The following MAP4K5 variants were observed in gnomAD, a reference collection of about 807,000 sequenced individuals.
MAP4K5 encodes the protein mitogen-activated protein kinase kinase kinase kinase 5, also known as MAPK/ERK kinase kinase kinase 5.
MAP4K5 carries 82 observed loss-of-function variants against 135.6 expected under a neutral mutation model. That is an observed-to-expected ratio of 0.60 (90% CI 0.51 to 0.73). The LOEUF is 0.73. Among genes scored for constraint, MAP4K5 ranks in the 30% least tolerant of loss-of-function variants. The pLI is 0.00. For missense variants in MAP4K5, 907 were observed against 1,010.9 expected, an observed-to-expected ratio of 0.90 and a Z score of 1.39; for synonymous variants, 347 against 335.0, an observed-to-expected ratio of 1.04 and a Z score of -0.39.
chr14:50,431,354 A>C (rs2035964819), intron 28 of MAP4K5, among the ~76,000 whole-genome samples: 1 of 152,102 alleles, frequency 6.6e-6, no homozygotes. Context: ...TGCACCCACT[A>C]ACTCGTCATC....
chr14:50,552,929 A>C (rs1024358194), intron 1 of MAP4K5, among the ~76,000 whole-genome samples: 1 of 152,066 alleles, frequency 6.6e-6, no homozygotes, highest in East Asian at 1.9e-4. Context: ...CATCAGAAAA[A>C]CTCTTATAGA....
At position 50,446,134 on chromosome 14, in the gene MAP4K5, A is replaced by G; in HGVS notation, c.1143-13T>C. On this transcript the variant is annotated splice_polypyrimidine_tract_variant and intron_variant, in intron 16 of 32. Coordinates refer to ENST00000682126, the MANE Select transcript of MAP4K5 (RefSeq NM_006575.6). ...TTTTGAGGTTGATCTAATACAAAGA[A>G]GAAATGCAATTTAGATGATGATAAA... 5 of 1,550,030 alleles carry G rather than the reference A, an allele frequency of 3.2e-6. No homozygotes were observed. The highest frequency in any genetic ancestry group is 4.4e-6 in the Non-Finnish European group (5 of 1,144,586).
At chr14:50,501,882 C>T (rs980540757) in intron 3 of MAP4K5, among the ~76,000 whole-genome samples, 2 of 152,164 alleles carry the variant, frequency 1.3e-5, no homozygotes, top group South Asian at 4.1e-4. Flanking sequence ...TCCGTGAGAA[C>T]AAGGTCTTTG....
intron 1 of MAP4K5, among the ~76,000 whole-genome samples, chr14:50,548,105 G>A (rs535937313): frequency 2.0e-5 from 3 of 152,130 alleles, no homozygotes; most frequent in Admixed American, 2.0e-4. Flanking sequence ...ACAGGGGCCC[G>A]GGATAGGGGC....
At chr14:50,501,924 T>C (rs1358586498) in intron 3 of MAP4K5, among the ~76,000 whole-genome samples, 1 of 152,148 alleles carries the variant, frequency 6.6e-6, no homozygotes, top group Non-Finnish European at 1.5e-5. Context: ...TCCTATCCTC[T>C]AGAACAGAGC....
chr14:50,552,760 G>A (rs932226902), intron 1 of MAP4K5, among the ~76,000 whole-genome samples: 1 of 152,124 alleles, frequency 6.6e-6, no homozygotes, highest in East Asian at 1.9e-4. Flanking sequence ...ACATAAAGTG[G>A]GGAAAGGATA....
chr14:50,441,743 T>TACACACACAC (rs57651486), intron 21 of MAP4K5, among the ~76,000 whole-genome samples: 9 of 141,534 alleles, frequency 6.4e-5, no homozygotes, highest in Admixed American at 2.9e-4. Flanking sequence ...AATTATTTTA[T>TACACACACAC]ACACACACAC....
At chr14:50,549,142 C>T (rs529266441) in intron 1 of MAP4K5, among the ~76,000 whole-genome samples, 1 of 152,208 alleles carries the variant, frequency 6.6e-6, no homozygotes, top group East Asian at 1.9e-4. Flanking sequence ...ACGGAACCAC[C>T]TACCAGGCCA....
At chr14:50,451,566 C>T (rs1248915396) in intron 14 of MAP4K5, among the ~76,000 whole-genome samples, 1 of 151,990 alleles carries the variant, frequency 6.6e-6, no homozygotes, top group East Asian at 1.9e-4. Context: ...TGCAGTACCT[C>T]ATATCTTTTT....
rs761552067 is a variant in MAP4K5 at position 50,475,150 on chromosome 14, C to G, written c.470-1G>C. 1 of 1,613,462 alleles carries G rather than the reference C, an allele frequency of 6.2e-7. No individual in the cohort carries two copies. Among genetic ancestry groups the G allele is most frequent in the African/African-American group, 1.3e-5 (1 of 74,920 alleles). On this transcript the variant is annotated splice_acceptor_variant, in intron 8 of 32. Transcript: ENST00000682126. LOFTEE classifies it high-confidence loss of function. Reference sequence around the variant, plus strand: ...ATTTTTGCAGCCACACCAAAGTCAGCTAGTGAGGAAAAAAACAGAAAATTT... The same window carrying G: ...ATTTTTGCAGCCACACCAAAGTCAGGTAGTGAGGAAAAAAACAGAAAATTT...
intron 2 of MAP4K5, 120 bp downstream of exon 2, chr14:50,531,822 T>G: frequency 6.4e-6 from 5 of 784,910 alleles, no homozygotes; most frequent in Admixed American, 2.1e-5. Flanking sequence ...CCCCGGCCGC[T>G]TTCTCCCCAA....
chr14:50,507,696 C>A (rs113150415), intron 2 of MAP4K5, among the ~76,000 whole-genome samples: 6,321 of 152,244 alleles, frequency 0.042, 141 homozygotes, highest in East Asian at 0.068. Context: ...AGTTTGATTG[C>A]ACTGTGGTCT....
chr14:50,542,294 G>A (rs1345895844), intron 2 of MAP4K5, among the ~76,000 whole-genome samples: 1 of 149,512 alleles, frequency 6.7e-6, no homozygotes, highest in Non-Finnish European at 1.5e-5. Context: ...TCGGGGGGAG[G>A]GGGTTGGGGG....
At chr14:50,495,709 A>T (rs1309090749) in intron 3 of MAP4K5, among the ~76,000 whole-genome samples, 2 of 152,246 alleles carry the variant, frequency 1.3e-5, no homozygotes, top group African/African-American at 4.8e-5. Context: ...ACTGTAGTAT[A>T]TGAAAACCAT....
intron 16 of MAP4K5, 139 bp from the exon 17 acceptor site, chr14:50,446,260 T>C (rs2036345870): frequency 3.8e-6 from 2 of 533,314 alleles, no homozygotes; most frequent in East Asian, 7.1e-5. Flanking sequence ...ATAAAATCTT[T>C]AGGAAGACCT....
At chr14:50,485,669 A>G (rs756877536) in intron 4 of MAP4K5, 27 bp from the exon 5 acceptor site, 4 of 1,357,538 alleles carry the variant, frequency 2.9e-6, no homozygotes, top group African/African-American at 1.5e-5. Flanking sequence ...AGAAAATTAT[A>G]TTAGCTAGTA....
chr14:50,470,217 G>A (rs907292973), intron 9 of MAP4K5, among the ~76,000 whole-genome samples: 1 of 152,146 alleles, frequency 6.6e-6, no homozygotes, highest in African/African-American at 2.4e-5. Context: ...GGCTCAGTGG[G>A]AAACTGTATT....
intron 2 of MAP4K5, among the ~76,000 whole-genome samples, chr14:50,528,866 T>C (rs1165929394): frequency 6.6e-6 from 1 of 152,306 alleles, no homozygotes; most frequent in South Asian, 2.1e-4. Context: ...CAGTGATAAA[T>C]AGCAAAATTA....
chr14:50,456,568 AATGGT>A lies in MAP4K5; in HGVS notation c.958_962del (p.Thr320Ter). 1 of 1,577,146 alleles carries A rather than the reference AATGGT, an allele frequency of 6.3e-7. No homozygotes were observed. The highest frequency in any genetic ancestry group is 1.2e-5 in the South Asian group (1 of 85,996). The stretch of plus-strand genomic sequence containing the variant: ...CTCTGGCATTCCTGTTTGTAGATCT[AATGGT>A]ATGACGAATGATTGCATGGGGCTGT... On this transcript the variant is annotated frameshift_variant, in exon 14 of 33. Transcript: ENST00000682126. LOFTEE classifies it high-confidence loss of function.
Sources: gnomAD v4.1 joint callset for allele counts (sites outside exome capture counted in the v4.1 genomes callset) on GRCh38, gnomAD v4.1.1 for gene constraint, MANE v1.5 for transcripts, NCBI Gene and HGNC (gene_info 2026-07-23, HGNC 2026-07-21) for gene names.